NFIB: variants seen among roughly 807,000 people sequenced by gnomAD.
NFIB encodes the protein nuclear factor 1 B-type.
In NFIB, 11 loss-of-function variants were observed where a neutral mutation model predicts 61.5. That is an observed-to-expected ratio of 0.18 (90% CI 0.11 to 0.30). The LOEUF is 0.30. Ranked by LOEUF, NFIB falls within the 10% of genes least tolerant of loss-of-function variation. The pLI is 1.00. For synonymous variants in NFIB, 260 were observed against 216.5 expected, an observed-to-expected ratio of 1.20 and a Z score of -1.76; for missense variants, 471 against 608.9, an observed-to-expected ratio of 0.77 and a Z score of 2.38.
chr9:14,262,967 C>T (rs1184895440), intron 2 of NFIB, among the ~76,000 whole-genome samples: 1 of 152,114 alleles, frequency 6.6e-6, no homozygotes, highest in Non-Finnish European at 1.5e-5. Context: ...AACTAAACAT[C>T]TGTTTAAACT....
chr9:14,165,366 A>C (rs938512975), intron 3 of NFIB, among the ~76,000 whole-genome samples: 3 of 152,202 alleles, frequency 2.0e-5, no homozygotes, highest in African/African-American at 7.2e-5. Flanking sequence ...AAGATCAAGC[A>C]CACAAGTAAA....
At chr9:14,380,433 T>A (rs931887326) in intron 1 of NFIB, among the ~76,000 whole-genome samples, 1 of 152,192 alleles carries the variant, frequency 6.6e-6, no homozygotes, top group Non-Finnish European at 1.5e-5. Flanking sequence ...GAAAAATGTA[T>A]CGGCACAGGT....
In NFIB at chr9:14,155,813, C is replaced by A; in HGVS notation, c.685+12G>T. 6.5e-7 allele frequency: 1 copy of A among 1,529,230 alleles called. No homozygotes were observed. The highest frequency in any genetic ancestry group is 8.9e-7 in the Non-Finnish European group (1 of 1,120,368). The allele number at this position is 1,529,230 out of a possible 1,614,324, so 94.7% of individuals were successfully genotyped here. ...ACTGCATGCTTAAGTAGTAACAAAA[C>A]AATTTACTTACTTCTGGATACTCTT... On this transcript the variant is annotated intron_variant, in intron 4 of 10. Coordinates refer to ENST00000380953, the MANE Select transcript of NFIB (RefSeq NM_001190737.2).
At chr9:14,209,703 G>A (rs1449600910) in intron 2 of NFIB, among the ~76,000 whole-genome samples, 1 of 152,188 alleles carries the variant, frequency 6.6e-6, no homozygotes, top group African/African-American at 2.4e-5. Flanking sequence ...CACAACCCAA[G>A]CCCAGACGCA....
intron 1 of NFIB, among the ~76,000 whole-genome samples, chr9:14,341,924 G>C (rs2132876184): frequency 8.0e-6 from 1 of 125,366 alleles, no homozygotes; most frequent in African/African-American, 3.1e-5. Context: ...TAGCTAGAGA[G>C]TGACTCCTCG....
Position 14,193,817 on chromosome 9 carries a change from T to C in NFIB, c.563-14037A>G, listed in dbSNP as rs76370019. 1.1e-3 allele frequency among the ~76,000 whole-genome samples: 174 copies of C among 152,240 alleles called. 1 individual carries two copies. The East Asian group carries it at 0.017, about 15-fold the overall frequency. On this transcript the variant is annotated intron_variant, in intron 2 of 10. Coordinates refer to ENST00000380953, the MANE Select transcript of NFIB (RefSeq NM_001190737.2). Reference sequence around the variant, plus strand: ...ACAGCCCGGCTAGAGGCAAGTGACATAACGGAAAAACATACAGCATCAATT... The same window carrying C: ...ACAGCCCGGCTAGAGGCAAGTGACACAACGGAAAAACATACAGCATCAATT...
the NFIB span, among the ~76,000 whole-genome samples, chr9:14,441,056 C>A: frequency 6.9e-6 from 1 of 144,356 alleles, no homozygotes; most frequent in East Asian, 2.1e-4. Context: ...AGCCCTAGAA[C>A]TATAAAGATA....
chr9:14,204,888 T>C, intron 2 of NFIB: 1 of 363,408 alleles, frequency 2.8e-6, no homozygotes, highest in Non-Finnish European at 5.2e-6. Flanking sequence ...AAAGGGGCTT[T>C]GGTTAAGCTG....
chr9:14,296,721 G>A (rs1436736951), intron 2 of NFIB, among the ~76,000 whole-genome samples: 1 of 152,184 alleles, frequency 6.6e-6, no homozygotes, highest in Non-Finnish European at 1.5e-5. Context: ...CTCCAGAACT[G>A]GGAGAAATAA....
At position 14,189,167 on chromosome 9, in the gene NFIB, G is replaced by C. The variant is rs910127702; in HGVS notation, c.563-9387C>G. ...TAAATCCCACACATACAACACTCCT[G>C]TGTACACATGGCCCCTCTGTGCTAT... On this transcript the variant is annotated intron_variant, in intron 2 of 10. Transcript: ENST00000380953. Among the ~76,000 whole-genome samples the C allele has an allele frequency of 2.0e-5, 3 of 152,272 alleles. No individual in the cohort carries two copies. The East Asian group carries it at 5.8e-4, about 29-fold the overall frequency.
At chr9:14,156,283 G>A (rs1439168935) in intron 3 of NFIB, among the ~76,000 whole-genome samples, 1 of 152,164 alleles carries the variant, frequency 6.6e-6, no homozygotes, top group Non-Finnish European at 1.5e-5. Context: ...TTAGCACCTT[G>A]CTGGAATAAT....
At chr9:14,172,746 T>C (rs1164672433) in intron 3 of NFIB, among the ~76,000 whole-genome samples, 4 of 152,250 alleles carry the variant, frequency 2.6e-5, no homozygotes, top group African/African-American at 9.6e-5. Context: ...CTTAAGCCTT[T>C]AGAGAAGAGC....
At chr9:14,214,715 T>C (rs1260131129) in intron 2 of NFIB, among the ~76,000 whole-genome samples, 1 of 152,250 alleles carries the variant, frequency 6.6e-6, no homozygotes, top group East Asian at 1.9e-4. Flanking sequence ...CTGTTTCCCA[T>C]ATTTTCAGTC....
At chr9:14,255,121 G>A (rs1462294226) in intron 2 of NFIB, among the ~76,000 whole-genome samples, 2 of 152,110 alleles carry the variant, frequency 1.3e-5, no homozygotes, top group East Asian at 3.9e-4. Flanking sequence ...TTCTTGGGAG[G>A]CTAAAGTTGG....
intron 2 of NFIB, among the ~76,000 whole-genome samples, chr9:14,208,466 C>T (rs1407566061): frequency 6.6e-6 from 1 of 151,886 alleles, no homozygotes; most frequent in Non-Finnish European, 1.5e-5. Context: ...GTATGAATTA[C>T]GACTAAATTC....
the NFIB span, among the ~76,000 whole-genome samples, chr9:14,449,046 C>A: frequency 6.6e-6 from 1 of 152,070 alleles, no homozygotes; most frequent in Non-Finnish European, 1.5e-5. Flanking sequence ...TTGAAGGTTA[C>A]CATGAAACTT....
chr9:14,468,381 A>G, the NFIB span, among the ~76,000 whole-genome samples: 2 of 152,230 alleles, frequency 1.3e-5, no homozygotes, highest in Non-Finnish European at 2.9e-5. Flanking sequence ...CAGGGCAGTG[A>G]AGGGGAAGGG....
chr9:14,274,085 C>A (rs1229498397), intron 2 of NFIB, among the ~76,000 whole-genome samples: 4 of 152,108 alleles, frequency 2.6e-5, no homozygotes, highest in Non-Finnish European at 5.9e-5. Context: ...ATGGTGAATG[C>A]TTCTCTATAT....
chr9:14,383,473 G>A (rs2061511802), intron 1 of NFIB, among the ~76,000 whole-genome samples: 1 of 152,156 alleles, frequency 6.6e-6, no homozygotes, highest in South Asian at 2.1e-4. Context: ...AAGAATCTGG[G>A]AAACCTGCCA....
Sources: gnomAD v4.1 joint callset for allele counts (sites outside exome capture counted in the v4.1 genomes callset) on GRCh38, gnomAD v4.1.1 for gene constraint, MANE v1.5 for transcripts, NCBI Gene and HGNC (gene_info 2026-07-23, HGNC 2026-07-21) for gene names.